Variants in LARGE1 observed in about 807,000 individuals in gnomAD.
The protein encoded by LARGE1 is LARGE xylosyl- and glucuronyltransferase 1.
A neutral mutation model predicts 87.6 loss-of-function variants in LARGE1; 43 were observed. The observed-to-expected ratio is 0.49, with a 90% CI of 0.38 to 0.63. The LOEUF is 0.63. Among genes scored for constraint, LARGE1 ranks in the 30% least tolerant of loss-of-function variants. LARGE1 has a pLI of 0.00. For missense variants in LARGE1, 802 were observed against 1,000.2 expected (o/e 0.80, Z 2.67); for synonymous variants, 434 against 394.6 (o/e 1.10, Z -1.18).
intron 11 of LARGE1, among the ~76,000 whole-genome samples, chr22:33,181,521 A>G (rs1923158910): frequency 6.8e-6 from 1 of 147,714 alleles, no homozygotes; most frequent in South Asian, 2.2e-4. Context: ...TTAGGCTATT[A>G]GGCTACATTA....
At chr22:33,418,312 TC>T (rs2066573575) in intron 7 of LARGE1, among the ~76,000 whole-genome samples, 1 of 152,064 alleles carries the variant, frequency 6.6e-6, no homozygotes, top group Admixed American at 6.6e-5. Flanking sequence ...CAAGATAAAC[TC>T]CCTATGTTGA....
the LARGE1 span, among the ~76,000 whole-genome samples, chr22:33,117,626 G>A: frequency 6.6e-6 from 1 of 152,060 alleles, no homozygotes; most frequent in Non-Finnish European, 1.5e-5. Flanking sequence ...TTCTAGGAGA[G>A]TTTATAGACA....
At chr22:33,241,877 C>G (rs1926541166) in intron 11 of LARGE1, among the ~76,000 whole-genome samples, 1 of 152,170 alleles carries the variant, frequency 6.6e-6, no homozygotes, top group East Asian at 1.9e-4. Flanking sequence ...GAAAGCATAG[C>G]TGTCCATCAA....
rs1309968678 is a variant in LARGE1, at chr22:33,633,597, T to C, written c.409-7271A>G. ...CAACACCCTGCCAGCCCTGCTTCTC[T>C]TGCCCACAGGGCCTGGTGCTCCCTT... On this transcript the variant is annotated intron_variant, in intron 3 of 14. Coordinates refer to ENST00000397394, the MANE Select transcript of LARGE1 (RefSeq NM_133642.5). 4.6e-5 allele frequency among the ~76,000 whole-genome samples: 7 copies of C among 152,240 alleles called. No individual in the cohort carries two copies. The East Asian group carries it at 1.3e-3, about 29-fold the overall frequency.
chr22:33,091,326 C>A, the LARGE1 span, among the ~76,000 whole-genome samples: 1 of 152,018 alleles, frequency 6.6e-6, no homozygotes, highest in Non-Finnish European at 1.5e-5. Context: ...TTTGGGAGGC[C>A]GAGGTGGGTG....
intron 9 of LARGE1, among the ~76,000 whole-genome samples, chr22:33,360,572 C>T (rs375404928): frequency 1.3e-5 from 2 of 149,234 alleles, no homozygotes; most frequent in African/African-American, 4.9e-5. Flanking sequence ...AAGAACAACA[C>T]GATGCGGATG....
intron 1 of LARGE1, among the ~76,000 whole-genome samples, chr22:33,790,914 T>A (rs1478021659): frequency 1.3e-5 from 2 of 152,236 alleles, no homozygotes; most frequent in Non-Finnish European, 2.9e-5. Context: ...ATCCTTTTTT[T>A]ATTTTGTTTT....
intron 11 of LARGE1, among the ~76,000 whole-genome samples, chr22:33,214,750 G>C (rs560006694): frequency 2.6e-5 from 4 of 152,150 alleles, no homozygotes; most frequent in Non-Finnish European, 5.9e-5. Context: ...ATTTTCGAGG[G>C]AGCCCGGTCT....
intron 9 of LARGE1, 50 bp from the exon 10 acceptor site, chr22:33,337,851 A>T: frequency 6.3e-7 from 1 of 1,588,040 alleles, no homozygotes; most frequent in Non-Finnish European, 8.6e-7. Context: ...TGGGGTGGGG[A>T]TCCCTCACAC....
chr22:33,431,704 G>C (rs1463900144), intron 7 of LARGE1, among the ~76,000 whole-genome samples: 1 of 152,162 alleles, frequency 6.6e-6, no homozygotes, highest in Non-Finnish European at 1.5e-5. Context: ...CCACATACAT[G>C]GAAGTATGCA....
chr22:33,214,600 G>C (rs1194942974), intron 11 of LARGE1, among the ~76,000 whole-genome samples: 1 of 151,910 alleles, frequency 6.6e-6, no homozygotes, highest in Admixed American at 6.6e-5. Context: ...CCTTTACAAA[G>C]CTGTGGCCAG....
intron 9 of LARGE1, among the ~76,000 whole-genome samples, chr22:33,340,863 T>C (rs1226574194): frequency 2.6e-5 from 4 of 151,870 alleles, no homozygotes; most frequent in African/African-American, 9.7e-5. Context: ...AACACAAGCA[T>C]GTCTGATTCC....
chr22:33,841,904 C>A (rs1356783327), intron 1 of LARGE1, among the ~76,000 whole-genome samples: 2 of 152,166 alleles, frequency 1.3e-5, no homozygotes, highest in Non-Finnish European at 2.9e-5. Flanking sequence ...ACCGAGTACT[C>A]CAAAAATAGT....
intron 1 of LARGE1, among the ~76,000 whole-genome samples, chr22:33,784,811 A>G (rs954837652): frequency 6.6e-6 from 1 of 151,942 alleles, no homozygotes; most frequent in African/African-American, 2.4e-5. Context: ...ACACATACAC[A>G]TATGTATATA....
chr22:33,893,532 G>A (rs1056895391), intron 1 of LARGE1, among the ~76,000 whole-genome samples: 3 of 152,212 alleles, frequency 2.0e-5, no homozygotes, highest in Admixed American at 1.3e-4. Context: ...GGAAAAAACA[G>A]AGCAGGGTAA....
intron 6 of LARGE1, among the ~76,000 whole-genome samples, chr22:33,556,564 GAGGC>G (rs1170450606): frequency 1.2e-4 from 7 of 59,952 alleles, no homozygotes; most frequent in South Asian, 1.2e-3. Context: ...GGGAGGGAGG[GAGGC>G]AGGCAGGCAG....
At chr22:33,305,518 T>C (rs917160044) in intron 11 of LARGE1, 30 of 908,828 alleles carry the variant, frequency 3.3e-5, no homozygotes, top group Non-Finnish European at 1.8e-5. Context: ...CCTACTTGAA[T>C]TGTTTTTCCT....
At chr22:33,644,667 C>A (rs1247873703) in intron 3 of LARGE1, among the ~76,000 whole-genome samples, 1 of 152,174 alleles carries the variant, frequency 6.6e-6, no homozygotes, top group Non-Finnish European at 1.5e-5. Context: ...AAAACCCCAT[C>A]TTCTCAGCCC....
intron 6 of LARGE1, among the ~76,000 whole-genome samples, chr22:33,499,167 G>A (rs1433866920): frequency 6.6e-6 from 1 of 152,164 alleles, no homozygotes; most frequent in Non-Finnish European, 1.5e-5. Context: ...TAGCAGGGTG[G>A]ACTCTAGGGT....
Sources: allele counts gnomAD v4.1 joint callset (sites outside exome capture counted in the v4.1 genomes callset), GRCh38; gene constraint gnomAD v4.1.1; transcripts MANE v1.5; gene names NCBI Gene and HGNC (gene_info 2026-07-23, HGNC 2026-07-21).